Variants in CBFB observed in about 807,000 individuals in gnomAD.
CBFB encodes CBF-beta.
A neutral mutation model predicts 30.4 loss-of-function variants in CBFB; 9 were observed. That is an observed-to-expected ratio of 0.30 (90% confidence interval 0.18 to 0.52). The LOEUF is 0.52. Among genes scored for constraint, CBFB ranks in the 20% least tolerant of loss-of-function variants. The pLI, the probability that CBFB is intolerant of heterozygous loss-of-function variation, is 0.97. For missense variants in CBFB, 170 were observed against 244.0 expected, an observed-to-expected ratio of 0.70 and a Z score of 2.02; for synonymous variants, 94 against 84.0, an observed-to-expected ratio of 1.12 and a Z score of -0.65.
At chr16:67,079,257 A>G (rs1210861874) in intron 4 of CBFB, among the ~76,000 whole-genome samples, 1 of 152,206 alleles carries the variant, frequency 6.6e-6, no homozygotes, top group African/African-American at 2.4e-5. Context: ...TCTTACATGT[A>G]AATTTACTGA....
intron 3 of CBFB, among the ~76,000 whole-genome samples, chr16:67,064,896 TTC>T (rs1295228410): frequency 6.6e-6 from 1 of 152,162 alleles, no homozygotes; most frequent in Non-Finnish European, 1.5e-5. Context: ...TTTCTTTTTT[TTC>T]TCTCTCTTTT....
intron 3 of CBFB, among the ~76,000 whole-genome samples, chr16:67,041,358 G>A (rs1357344296): frequency 6.6e-6 from 1 of 152,208 alleles, no homozygotes; most frequent in East Asian, 1.9e-4. Context: ...AGTAATCTTG[G>A]TGAGAGACCA....
intron 3 of CBFB, among the ~76,000 whole-genome samples, chr16:67,042,355 C>T (rs1044377609): frequency 2.6e-5 from 4 of 152,168 alleles, no homozygotes; most frequent in Non-Finnish European, 1.5e-5. Flanking sequence ...AAAAATTTTG[C>T]TCAGGCTGGC....
At chr16:67,031,973 G>A (rs746308114) in intron 2 of CBFB, among the ~76,000 whole-genome samples, 1 of 152,022 alleles carries the variant, frequency 6.6e-6, no homozygotes, top group African/African-American at 2.4e-5. Context: ...CTACAGGCTC[G>A]GCGTCACCAT....
chr16:67,081,198 A>C (rs145012691), intron 4 of CBFB, among the ~76,000 whole-genome samples: 3 of 138,178 alleles, frequency 2.2e-5, no homozygotes, highest in Non-Finnish European at 3.0e-5. Context: ...TCATTGTTCA[A>C]TTCCCACCTA....
intron 1 of CBFB, 66 bp from the exon 2 acceptor site, chr16:67,029,661 G>T (rs1966297457): frequency 6.9e-7 from 1 of 1,445,816 alleles, no homozygotes; most frequent in South Asian, 1.2e-5. Flanking sequence ...GCGCTGCGCT[G>T]GGAGGGCGGG....
chr16:67,065,683 T>C (rs1246436050), intron 3 of CBFB, among the ~76,000 whole-genome samples: 1 of 152,210 alleles, frequency 6.6e-6, no homozygotes, highest in African/African-American at 2.4e-5. Context: ...CTAGCCTTTT[T>C]GTCTTAGTTG....
At chr16:67,097,406 G>T (rs571624642) in intron 5 of CBFB, among the ~76,000 whole-genome samples, 2 of 152,080 alleles carry the variant, frequency 1.3e-5, no homozygotes, top group Non-Finnish European at 2.9e-5. Flanking sequence ...TTAGCCGGGC[G>T]TGGTGGCACA....
intron 4 of CBFB, among the ~76,000 whole-genome samples, chr16:67,081,455 CTT>C (rs1200117625): frequency 6.6e-6 from 1 of 150,640 alleles, no homozygotes; most frequent in Non-Finnish European, 1.5e-5. Flanking sequence ...GAAAATCTGA[CTT>C]TTTTTTTAAT....
chr16:67,036,131 G>A (rs1276701560), intron 2 of CBFB, among the ~76,000 whole-genome samples: 1 of 152,156 alleles, frequency 6.6e-6, no homozygotes, highest in Non-Finnish European at 1.5e-5. Context: ...CCATGCCAAT[G>A]TATGGTTTAT....
At chr16:67,061,788 T>A (rs1960917829) in intron 3 of CBFB, among the ~76,000 whole-genome samples, 1 of 152,120 alleles carries the variant, frequency 6.6e-6, no homozygotes, top group East Asian at 1.9e-4. Flanking sequence ...TCCCAGCACT[T>A]TGGGAGGCTG....
intron 3 of CBFB, among the ~76,000 whole-genome samples, chr16:67,037,148 C>T (rs78725803): frequency 6.6e-6 from 1 of 152,278 alleles, no homozygotes; most frequent in East Asian, 1.9e-4. Context: ...CCGCCCACCT[C>T]TGCCTCCCAA....
chr16:67,034,938 C>G (rs1966415750), intron 2 of CBFB, among the ~76,000 whole-genome samples: 1 of 152,006 alleles, frequency 6.6e-6, no homozygotes, highest in South Asian at 2.1e-4. Context: ...AAGCACTTTA[C>G]AAATAATTGA....
intron 2 of CBFB, among the ~76,000 whole-genome samples, chr16:67,032,667 G>T (rs979440727): frequency 6.6e-6 from 1 of 152,108 alleles, no homozygotes; most frequent in African/African-American, 2.4e-5. Context: ...TTGATTATTT[G>T]AATTTAGAGG....
chr16:67,069,763 G>C (rs943394304), intron 4 of CBFB, among the ~76,000 whole-genome samples: 2 of 152,202 alleles, frequency 1.3e-5, no homozygotes, highest in Non-Finnish European at 1.5e-5. Flanking sequence ...AAGATTAACA[G>C]CTGACTTCTC....
chr16:67,055,736 A>G (rs1960705194), intron 3 of CBFB, among the ~76,000 whole-genome samples: 1 of 152,156 alleles, frequency 6.6e-6, no homozygotes, highest in Non-Finnish European at 1.5e-5. Flanking sequence ...TTAAATCACT[A>G]TAGAAGAAGC....
At chr16:67,098,646 G>C in intron 5 of CBFB, 64 bp from the exon 6 acceptor site, 2 of 929,780 alleles carry the variant, frequency 2.2e-6, no homozygotes, top group East Asian at 4.9e-5. Flanking sequence ...CTTGTATTTT[G>C]TATATCTAGT....
chr16:67,069,558 T>C (rs1283874143), intron 4 of CBFB, among the ~76,000 whole-genome samples: 1 of 151,882 alleles, frequency 6.6e-6, no homozygotes, highest in Non-Finnish European at 1.5e-5. Context: ...AGGTTGAAGA[T>C]ACATTTTAAG....
intron 4 of CBFB, among the ~76,000 whole-genome samples, chr16:67,078,141 TG>T (rs1597152725): frequency 6.6e-6 from 1 of 152,226 alleles, no homozygotes; most frequent in Non-Finnish European, 1.5e-5. Flanking sequence ...GGTGTTAGAT[TG>T]CAGCAGGAAA....
Sources: allele counts gnomAD v4.1 joint callset (sites outside exome capture counted in the v4.1 genomes callset), GRCh38; gene constraint gnomAD v4.1.1; transcripts MANE v1.5; gene names NCBI Gene and HGNC (gene_info 2026-07-23, HGNC 2026-07-21).